Variants in LRRC3B observed in about 807,000 individuals in gnomAD.
LRRC3B encodes the protein leucine rich repeat containing 3B, also known as leucine-rich repeat-containing protein 3B.
LRRC3B carries 2 observed loss-of-function variants against 12.8 expected under a neutral mutation model. That is an observed-to-expected ratio of 0.16 (90% CI 0.06 to 0.49). The LOEUF (loss-of-function observed/expected upper bound fraction) is 0.49. Ranked by LOEUF, LRRC3B falls within the 20% of genes least tolerant of loss-of-function variation. The probability of loss-of-function intolerance (pLI) is 0.96; values close to 1 mark genes in which losing one functional copy is unlikely to be tolerated. For missense variants in LRRC3B, 189 were observed against 319.4 expected (o/e 0.59, Z 3.11); for synonymous variants, 132 against 122.0 (o/e 1.08, Z -0.54).
At chr3:26,646,208 C>T (rs775397038) in intron 1 of LRRC3B, among the ~76,000 whole-genome samples, 15 of 152,066 alleles carry the variant, frequency 9.9e-5, no homozygotes, top group Non-Finnish European at 1.8e-4. Context: ...AGTTATAATC[C>T]CTGAATAATA....
intron 1 of LRRC3B, among the ~76,000 whole-genome samples, chr3:26,647,049 C>G (rs972111257): frequency 6.6e-6 from 1 of 152,164 alleles, no homozygotes; most frequent in African/African-American, 2.4e-5. Flanking sequence ...GCCATACTGG[C>G]CTTCCTTCTG....
chr3:26,649,196 A>G (rs1699214438), intron 1 of LRRC3B, among the ~76,000 whole-genome samples: 1 of 152,230 alleles, frequency 6.6e-6, no homozygotes, highest in African/African-American at 2.4e-5. Context: ...ACTTAAGGCC[A>G]GGCTGTCCCA....
At chr3:26,710,167 G>A in exon 2 of LRRC3B, 1 of 1,613,910 alleles carries the variant, frequency 6.2e-7, no homozygotes. Context: ...CCAATCATGA[G>A]ACAGCCCACA....
At chr3:26,671,730 C>T (rs1699753522) in intron 1 of LRRC3B, among the ~76,000 whole-genome samples, 2 of 152,058 alleles carry the variant, frequency 1.3e-5, no homozygotes. Flanking sequence ...TCAACACTAG[C>T]TCTTTTCTGC....
intron 1 of LRRC3B, among the ~76,000 whole-genome samples, chr3:26,643,613 A>G (rs1052010630): frequency 4.6e-5 from 7 of 152,118 alleles, no homozygotes; most frequent in Admixed American, 1.3e-4. Context: ...CTGTGATGCA[A>G]TGTGCCTTTT....
intron 1 of LRRC3B, among the ~76,000 whole-genome samples, chr3:26,678,629 A>C (rs1699911204): frequency 6.6e-6 from 1 of 152,176 alleles, no homozygotes; most frequent in Non-Finnish European, 1.5e-5. Context: ...CCACATGAGA[A>C]GCATGATGCT....
intron 1 of LRRC3B, among the ~76,000 whole-genome samples, chr3:26,640,316 A>T (rs1698997009): frequency 6.6e-6 from 1 of 152,096 alleles, no homozygotes; most frequent in Non-Finnish European, 1.5e-5. Flanking sequence ...CCCTGCCCCA[A>T]GTCTGCAAAT....
chr3:26,671,322 T>C (rs1307309978), intron 1 of LRRC3B, among the ~76,000 whole-genome samples: 2 of 136,592 alleles, frequency 1.5e-5, no homozygotes, highest in African/African-American at 5.7e-5. Context: ...GCCTCATGTA[T>C]CTTATAAATG....
At chr3:26,633,704 C>T (rs1410083374) in intron 1 of LRRC3B, among the ~76,000 whole-genome samples, 1 of 152,098 alleles carries the variant, frequency 6.6e-6, no homozygotes, top group African/African-American at 2.4e-5. Context: ...AGGGAAAGCA[C>T]AGACACAGGA....
chr3:26,671,927 C>A (rs1268565663), intron 1 of LRRC3B, among the ~76,000 whole-genome samples: 1 of 152,068 alleles, frequency 6.6e-6, no homozygotes, highest in Non-Finnish European at 1.5e-5. Context: ...AAAATGTTGT[C>A]GCTTTTGAAC....
intron 1 of LRRC3B, among the ~76,000 whole-genome samples, chr3:26,640,417 C>G (rs1184824790): frequency 8.3e-6 from 1 of 120,974 alleles, no homozygotes; most frequent in Non-Finnish European, 1.7e-5. Context: ...ATTGTTATGC[C>G]TTATAAACTA....
At chr3:26,632,463 A>G (rs1039909571) in intron 1 of LRRC3B, among the ~76,000 whole-genome samples, 1 of 152,156 alleles carries the variant, frequency 6.6e-6, no homozygotes, top group African/African-American at 2.4e-5. Flanking sequence ...AGTTTATCAG[A>G]AAGAAACCTA....
At chr3:26,637,174 G>C (rs1036449578) in intron 1 of LRRC3B, among the ~76,000 whole-genome samples, 5 of 151,566 alleles carry the variant, frequency 3.3e-5, no homozygotes, top group African/African-American at 4.9e-5. Context: ...TTTTTTAGTA[G>C]AGACAGGGTT....
At chr3:26,631,654 TAGA>T (rs1698760059) in intron 1 of LRRC3B, among the ~76,000 whole-genome samples, 1 of 152,226 alleles carries the variant, frequency 6.6e-6, no homozygotes, top group Admixed American at 6.5e-5. Flanking sequence ...ACCTGCTTAG[TAGA>T]AGAAGAAAAC....
intron 1 of LRRC3B, among the ~76,000 whole-genome samples, chr3:26,670,874 CATAT>C (rs759654759): frequency 1.3e-5 from 2 of 152,104 alleles, no homozygotes; most frequent in Non-Finnish European, 2.9e-5. Flanking sequence ...GTTTTATTAT[CATAT>C]ACAAAGAACT....
chr3:26,695,827 T>A (rs1324448141), intron 1 of LRRC3B, among the ~76,000 whole-genome samples: 1 of 152,208 alleles, frequency 6.6e-6, no homozygotes, highest in Non-Finnish European at 1.5e-5. Flanking sequence ...GAGACAATGG[T>A]TCTCATCAGA....
At chr3:26,686,265 A>T (rs956179210) in intron 1 of LRRC3B, among the ~76,000 whole-genome samples, 1 of 151,752 alleles carries the variant, frequency 6.6e-6, no homozygotes, top group African/African-American at 2.4e-5. Flanking sequence ...ATTTTTAGTA[A>T]AGATGGGGTT....
At chr3:26,629,294 T>C (rs1386580138) in intron 1 of LRRC3B, among the ~76,000 whole-genome samples, 2 of 151,658 alleles carry the variant, frequency 1.3e-5, no homozygotes, top group East Asian at 3.9e-4. Context: ...TTTAGGTCAT[T>C]GATAGAAGAA....
chr3:26,638,402 G>C (rs577783541), intron 1 of LRRC3B, among the ~76,000 whole-genome samples: 1 of 152,174 alleles, frequency 6.6e-6, no homozygotes, highest in Non-Finnish European at 1.5e-5. Context: ...TTTCAATTAA[G>C]GGTCAACGGA....
Sources: gnomAD v4.1 joint callset for allele counts (sites outside exome capture counted in the v4.1 genomes callset) on GRCh38, gnomAD v4.1.1 for gene constraint, MANE v1.5 for transcripts, NCBI Gene and HGNC (gene_info 2026-07-23, HGNC 2026-07-21) for gene names.